Variants in PMS1 observed in about 807,000 individuals in gnomAD.
The protein encoded by PMS1 is PMS1 protein homolog 1.
PMS1 carries 79 observed loss-of-function variants against 93.1 expected under a neutral mutation model. That is an observed-to-expected ratio of 0.85 (90% CI 0.71 to 1.02). The LOEUF is 1.02. PMS1 is among the 50% of genes least tolerant of loss of function. PMS1 has a pLI of 0.00. For synonymous variants in PMS1, 335 were observed against 363.4 expected (o/e 0.92, Z 0.89); for missense variants, 1,064 against 1,085.3 (o/e 0.98, Z 0.28).
chr2:189,877,580 A>G lies in PMS1; in HGVS notation c.*144A>G. On this transcript the variant is annotated 3_prime_UTR_variant, in exon 13 of 13. Transcript: ENST00000441310. ...TCACTGACTTGTTTTTATATTGAAA[A>G]AAGTTCCACGTATTGTAGAAAACGT... 1.6e-6 allele frequency: 1 copy of G among 624,206 alleles called. No individual in the cohort carries two copies. The highest frequency in any genetic ancestry group is 1.8e-5 in the African/African-American group (1 of 54,458). 38.7% of individuals were successfully genotyped at this position (624,206 alleles called of 1,614,324 possible).
At chr2:189,800,101 A>G (rs2049753446) in intron 3 of PMS1, among the ~76,000 whole-genome samples, 1 of 152,220 alleles carries the variant, frequency 6.6e-6, no homozygotes, top group South Asian at 2.1e-4. Flanking sequence ...TTGTCTACGC[A>G]TGCAGGGTGC....
intron 4 of PMS1, among the ~76,000 whole-genome samples, chr2:189,808,996 G>A (rs1269706028): frequency 6.6e-6 from 1 of 152,090 alleles, no homozygotes; most frequent in Non-Finnish European, 1.5e-5. Flanking sequence ...AGATCTTCCA[G>A]TACTTCTGCC....
chr2:189,835,246 G>T (rs968418255), intron 5 of PMS1, among the ~76,000 whole-genome samples: 2 of 152,224 alleles, frequency 1.3e-5, no homozygotes, highest in East Asian at 1.9e-4. Context: ...AGAGATTTTA[G>T]AACTCATTTA....
At chr2:189,794,055 C>T (rs2049124383) in intron 2 of PMS1, among the ~76,000 whole-genome samples, 1 of 152,048 alleles carries the variant, frequency 6.6e-6, no homozygotes, top group South Asian at 2.1e-4. Flanking sequence ...CATACTTGGC[C>T]TGATTTTTCT....
At chr2:189,827,389 A>G (rs1472798405) in intron 5 of PMS1, among the ~76,000 whole-genome samples, 1 of 152,164 alleles carries the variant, frequency 6.6e-6, no homozygotes, top group African/African-American at 2.4e-5. Context: ...TTTTAACTCT[A>G]AAACTCTTTG....
At chr2:189,835,099 C>A (rs1308203123) in intron 5 of PMS1, among the ~76,000 whole-genome samples, 1 of 152,152 alleles carries the variant, frequency 6.6e-6, no homozygotes, top group Admixed American at 6.5e-5. Context: ...TTATTCTTTT[C>A]TTTATCTTTC....
chr2:189,857,366 A>G (rs773194226), intron 9 of PMS1: 39 of 385,494 alleles, frequency 1.0e-4, no homozygotes, highest in Non-Finnish European at 1.6e-4. Context: ...TCCTGGGACC[A>G]TGATCAGCTG....
chr2:189,827,362 A>G (rs754318783), intron 5 of PMS1, among the ~76,000 whole-genome samples: 1 of 152,244 alleles, frequency 6.6e-6, no homozygotes, highest in Non-Finnish European at 1.5e-5. Flanking sequence ...AGTCAATGAC[A>G]TGATCTCTAA....
chr2:189,819,278 A>G (rs1454300304), intron 5 of PMS1, among the ~76,000 whole-genome samples: 1 of 152,066 alleles, frequency 6.6e-6, no homozygotes, highest in Non-Finnish European at 1.5e-5. Context: ...TTCTTTATCC[A>G]TTTATATGTT....
chr2:189,802,535 G>A (rs1372095633), intron 3 of PMS1, among the ~76,000 whole-genome samples: 2 of 152,204 alleles, frequency 1.3e-5, no homozygotes, highest in Non-Finnish European at 2.9e-5. Context: ...GTTCAGACTT[G>A]TGTTGTGGAA....
At chr2:189,822,375 C>G (rs1293345987) in intron 5 of PMS1, among the ~76,000 whole-genome samples, 1 of 152,190 alleles carries the variant, frequency 6.6e-6, no homozygotes, top group African/African-American at 2.4e-5. Context: ...TACATTTTCT[C>G]CAGCCATTTC....
intron 5 of PMS1, among the ~76,000 whole-genome samples, chr2:189,822,242 G>A (rs576790382): frequency 6.6e-6 from 1 of 152,310 alleles, no homozygotes; most frequent in East Asian, 1.9e-4. Context: ...AGAGTCCGAT[G>A]CGCCTGGGTA....
chr2:189,831,172 T>A (rs1286431564), intron 5 of PMS1, among the ~76,000 whole-genome samples: 1 of 152,210 alleles, frequency 6.6e-6, no homozygotes, highest in Non-Finnish European at 1.5e-5. Context: ...AGTGAAGAAG[T>A]TTCTTTAAAT....
At chr2:189,860,506 G>A (rs1030030455) in intron 9 of PMS1, among the ~76,000 whole-genome samples, 3 of 152,018 alleles carry the variant, frequency 2.0e-5, no homozygotes, top group African/African-American at 7.2e-5. Flanking sequence ...GTTGTTTCCA[G>A]TTTGGGGCTA....
intron 4 of PMS1, among the ~76,000 whole-genome samples, chr2:189,810,061 TACTG>T (rs1181398311): frequency 6.6e-6 from 1 of 152,218 alleles, no homozygotes; most frequent in African/African-American, 2.4e-5. Context: ...TCTAGGAACT[TACTG>T]ACTAGTGGGG....
chr2:189,805,763 G>A lies in PMS1; in HGVS notation c.418+9G>A. 1 of 1,613,610 alleles carries A rather than the reference G, an allele frequency of 6.2e-7. No individual in the cohort carries two copies. Among genetic ancestry groups the A allele is most frequent in the Non-Finnish European group, 8.5e-7 (1 of 1,179,834 alleles). ...TTCACATCTTGGTCAAGGTAAGAAA[G>A]TAGCTTTGTATACAAACATTCTTTA... On this transcript the variant is annotated intron_variant, in intron 4 of 12. Transcript: ENST00000441310.
At chr2:189,839,373 C>T (rs1372757007) in intron 5 of PMS1, among the ~76,000 whole-genome samples, 1 of 152,202 alleles carries the variant, frequency 6.6e-6, no homozygotes, top group Non-Finnish European at 1.5e-5. Flanking sequence ...TTTCTAATAT[C>T]TATCTCTGAT....
chr2:189,802,111 T>C (rs1006932644), intron 3 of PMS1, among the ~76,000 whole-genome samples: 2 of 152,196 alleles, frequency 1.3e-5, no homozygotes, highest in African/African-American at 4.8e-5. Context: ...GATTCATTCA[T>C]CCACCATTTA....
At chr2:189,798,756 G>GTT (rs2049587934) in intron 3 of PMS1, among the ~76,000 whole-genome samples, 9 of 125,230 alleles carry the variant, frequency 7.2e-5, no homozygotes, top group East Asian at 2.3e-4. Flanking sequence ...ATAAGTATTT[G>GTT]ATTTTTTTTT....
Sources: allele counts gnomAD v4.1 joint callset (sites outside exome capture counted in the v4.1 genomes callset), GRCh38; gene constraint gnomAD v4.1.1; transcripts MANE v1.5; gene names NCBI Gene and HGNC (gene_info 2026-07-23, HGNC 2026-07-21).